The following PRDM10 variants were observed in gnomAD, a reference collection of about 807,000 sequenced individuals.
The protein encoded by PRDM10 is PR domain zinc finger protein 10.
Under a neutral mutation model 133.1 loss-of-function variants are expected in PRDM10, and 65 were observed. The observed-to-expected ratio is 0.49, with a 90% CI of 0.40 to 0.60. The LOEUF is 0.60. PRDM10 is among the 20% of genes least tolerant of loss of function. The probability of loss-of-function intolerance (pLI) is 0.00; values close to 1 mark genes in which losing one functional copy is unlikely to be tolerated. For missense variants in PRDM10, 1,137 were observed against 1,507.1 expected (o/e 0.75, Z 4.07); for synonymous variants, 582 against 580.4 (o/e 1.00, Z -0.04).
Position 129,947,042 on chromosome 11 carries a change from G to T in PRDM10, c.520+103C>A. On this transcript the variant is annotated intron_variant, in intron 5 of 20. Transcript: ENST00000360871. The surrounding 1 kb of genome is among the most constrained non-coding windows in gnomAD (Gnocchi z 4.6). Reference sequence around the variant, plus strand: ...GAATGTAGCACAGTTGGCTGCACACGGAAGGACCTGACGCACGGGAGCTAT... The same window carrying T: ...GAATGTAGCACAGTTGGCTGCACACTGAAGGACCTGACGCACGGGAGCTAT... 13 of 1,486,224 alleles carry T rather than the reference G, an allele frequency of 8.7e-6. No individual in the cohort carries two copies. Among genetic ancestry groups the T allele is most frequent in the Non-Finnish European group, 1.2e-5 (13 of 1,096,126 alleles). 92.1% of individuals were successfully genotyped at this position (1,486,224 alleles called of 1,614,324 possible).
intron 4 of PRDM10, among the ~76,000 whole-genome samples, chr11:129,954,107 A>G (rs917256667): frequency 7.3e-5 from 11 of 151,042 alleles, no homozygotes; most frequent in African/African-American, 2.4e-4. Context: ...ACCCCAACTT[A>G]TACAAAAAAG....
chr11:130,001,845 G>T (rs1176897874), intron 1 of PRDM10, among the ~76,000 whole-genome samples: 1 of 151,994 alleles, frequency 6.6e-6, no homozygotes, highest in East Asian at 1.9e-4. Context: ...CTGGGTGCAG[G>T]CGGACTGGGG....
intron 7 of PRDM10, among the ~76,000 whole-genome samples, chr11:129,940,465 T>G (rs1951171541): frequency 6.6e-6 from 1 of 152,240 alleles, no homozygotes. Context: ...AACATTCACA[T>G]TCATTGTACT....
Position 129,914,684 on chromosome 11 carries a change from G to A in PRDM10, c.2841+20C>T. 6.2e-7 allele frequency: 1 copy of A among 1,614,160 alleles called. No individual in the cohort carries two copies. Among genetic ancestry groups the A allele is most frequent in the Non-Finnish European group, 8.5e-7 (1 of 1,180,004 alleles). Reference sequence around the variant, plus strand: ...CAACACGGCATTCATAAGGCAAAGGGAAACCAAGGCACGCAGTACCGAGGC... The same window carrying A: ...CAACACGGCATTCATAAGGCAAAGGAAAACCAAGGCACGCAGTACCGAGGC... On this transcript the variant is annotated intron_variant, in intron 17 of 20. Coordinates refer to ENST00000360871, the MANE Select transcript of PRDM10 (RefSeq NM_199437.2).
At chr11:129,969,561 A>G (rs1382460831) in intron 1 of PRDM10, among the ~76,000 whole-genome samples, 4 of 151,998 alleles carry the variant, frequency 2.6e-5, no homozygotes, top group Non-Finnish European at 5.9e-5. Flanking sequence ...TGGGAGGCCA[A>G]GGTGGGCGGA....
intron 1 of PRDM10, among the ~76,000 whole-genome samples, chr11:129,971,488 C>A (rs1354823986): frequency 2.0e-5 from 3 of 151,222 alleles, no homozygotes; most frequent in Admixed American, 2.0e-4. Flanking sequence ...ACAGAGTGTC[C>A]ATTGGTGCAC....
chr11:129,963,001 T>C (rs1951825493), intron 1 of PRDM10, among the ~76,000 whole-genome samples: 1 of 151,838 alleles, frequency 6.6e-6, no homozygotes, highest in South Asian at 2.1e-4. Flanking sequence ...ATACAAAAAT[T>C]AGCCAGGTGT....
intron 1 of PRDM10, among the ~76,000 whole-genome samples, chr11:129,995,644 A>G (rs984455441): frequency 6.6e-6 from 1 of 152,174 alleles, no homozygotes; most frequent in South Asian, 2.1e-4. Context: ...AGAATCTTGA[A>G]AAAAAAAGGC....
In PRDM10 at chr11:129,944,911, G is replaced by T. The variant is rs754656173; in HGVS notation, c.622C>A (p.Leu208Ile). The change falls in exon 6 of 21, where the codon CTC becomes ATC. Residue 208 changes from leucine (L) to isoleucine (I), a missense_variant. Leu to Ile is a conservative substitution (Grantham distance 5). This residue lies in a region of PRDM10 where 635 missense variants were observed against 835.2 expected (regional missense o/e 0.76). Coordinates refer to ENST00000360871, the MANE Select transcript of PRDM10 (RefSeq NM_199437.2). ...CTGTCTATGTAGAGCACCAGGGGGA[G>T]GCTCGCCCTGGCCCGGGTGAGCACC... ...RPVLTRARAS[L>I]PLVLYIDRFL... The T allele has an allele frequency of 1.2e-6, 2 of 1,614,048 alleles. No individual in the cohort carries two copies. The highest frequency in any genetic ancestry group is 3.3e-5 in the Admixed American group (2 of 59,998).
intron 2 of PRDM10, 114 bp downstream of exon 2, chr11:129,960,782 T>C (rs964767196): frequency 9.5e-7 from 1 of 1,053,976 alleles, no homozygotes; most frequent in Non-Finnish European, 1.4e-6. Context: ...GAGTTCTTCA[T>C]GTCGGCTCCT....
chr11:129,977,582 T>A (rs1937853445), intron 1 of PRDM10, among the ~76,000 whole-genome samples: 1 of 152,066 alleles, frequency 6.6e-6, no homozygotes, highest in Non-Finnish European at 1.5e-5. Flanking sequence ...GCGCCCAGCC[T>A]AACATTTTTT....
chr11:129,930,553 A>G (rs1269613127), intron 11 of PRDM10, among the ~76,000 whole-genome samples: 2 of 152,216 alleles, frequency 1.3e-5, no homozygotes, highest in African/African-American at 4.8e-5. Flanking sequence ...CAACTTGGAC[A>G]CAGGTCACTT....
At chr11:129,950,611 A>G (rs999017990) in intron 4 of PRDM10, among the ~76,000 whole-genome samples, 4 of 152,172 alleles carry the variant, frequency 2.6e-5, no homozygotes, top group African/African-American at 9.6e-5. Context: ...ACCTGCAAGG[A>G]AGTGACTGTA....
In PRDM10 at chr11:129,944,953, G is replaced by C; in HGVS notation, c.580C>G (p.Pro194Ala). ...SVCPKHGPLHPIPNRPVLTRA... is the reference protein window; with the variant it reads ...SVCPKHGPLHAIPNRPVLTRA... ...GTGAGCACCGGCCGGTTGGGGATCG[G>C]GTGCAAGGGGCCGTGCTTCGGACAC... The change falls in exon 6 of 21, where the codon CCG (proline) becomes GCG (alanine). Residue 194 changes from proline to alanine, a missense_variant. This residue lies in a region of PRDM10 where 635 missense variants were observed against 835.2 expected (regional missense o/e 0.76). Transcript: ENST00000360871. The C allele has an allele frequency of 6.2e-7, 1 of 1,613,708 alleles. No homozygotes were observed. Among genetic ancestry groups the C allele is most frequent in the Non-Finnish European group, 8.5e-7 (1 of 1,179,918 alleles).
chr11:129,982,504 A>G (rs77240292), intron 1 of PRDM10, among the ~76,000 whole-genome samples: 1 of 152,102 alleles, frequency 6.6e-6, no homozygotes, highest in African/African-American at 2.4e-5. Context: ...ATATACATTC[A>G]CACACAAAGA....
chr11:129,923,533 A>C lies in PRDM10; in HGVS notation c.1879-130T>G. 1 of 974,414 alleles carries C rather than the reference A, an allele frequency of 1.0e-6. No individual in the cohort carries two copies. Among genetic ancestry groups the C allele is most frequent in the East Asian group, 2.8e-5 (1 of 35,596 alleles). 60.4% of individuals were successfully genotyped at this position (974,414 alleles called of 1,614,324 possible). The stretch of plus-strand genomic sequence containing the variant: ...TTTCATCAACCCCGCCGAGGAATCC[A>C]ATCAGATGTGATAATTGGCCTCAAT... On this transcript the variant is annotated intron_variant, in intron 12 of 20. Transcript: ENST00000360871. This position sits in a 1 kb window ranked among gnomAD's most constrained non-coding sequence, Gnocchi z 4.4.
chr11:130,002,222 C>T (rs1247359270), intron 1 of PRDM10, among the ~76,000 whole-genome samples: 4 of 148,478 alleles, frequency 2.7e-5, no homozygotes, highest in African/African-American at 9.8e-5. Context: ...GCGCAACCGC[C>T]GCCGCCGGAG....
chr11:129,943,496 T>C (rs2135865397), intron 6 of PRDM10, among the ~76,000 whole-genome samples: 1 of 152,318 alleles, frequency 6.6e-6, no homozygotes, highest in Non-Finnish European at 1.5e-5. Flanking sequence ...GACAGGACTT[T>C]TAAAGGGGTA....
At chr11:129,950,091 C>T in intron 4 of PRDM10, among the ~76,000 whole-genome samples, 1 of 151,838 alleles carries the variant, frequency 6.6e-6, no homozygotes, top group Non-Finnish European at 1.5e-5. Context: ...CAAAATTTAG[C>T]TGGGCAGTGG....
Sources: allele counts gnomAD v4.1 joint callset (sites outside exome capture counted in the v4.1 genomes callset), GRCh38; gene constraint gnomAD v4.1.1; regional missense constraint gnomAD v4.1.1; non-coding constraint Gnocchi (gnomAD v3.1); transcripts MANE v1.5; gene names NCBI Gene and HGNC (gene_info 2026-07-23, HGNC 2026-07-21).